CTNNA3: variants seen among roughly 807,000 people sequenced by gnomAD.
The protein encoded by CTNNA3 is catenin alpha-3.
Under a neutral mutation model 95.7 loss-of-function variants are expected in CTNNA3, and 76 were observed. That is an observed-to-expected ratio of 0.79 (90% CI 0.66 to 0.96). The LOEUF is 0.96. Ranked by LOEUF, CTNNA3 falls within the 40% of genes least tolerant of loss-of-function variation. The pLI is 0.00. For missense variants in CTNNA3, 1,191 were observed against 1,089.8 expected, an observed-to-expected ratio of 1.09 and a Z score of -1.31; for synonymous variants, 431 against 374.4, an observed-to-expected ratio of 1.15 and a Z score of -1.74.
intron 14 of CTNNA3, among the ~76,000 whole-genome samples, chr10:66,075,159 T>G (rs987689058): frequency 6.6e-6 from 1 of 151,916 alleles, no homozygotes; most frequent in Admixed American, 6.6e-5. Flanking sequence ...TATCTGCTTA[T>G]TAATTGTACT....
intron 1 of CTNNA3, among the ~76,000 whole-genome samples, chr10:67,726,722 TC>T (rs375231347): frequency 8.4e-5 from 3 of 35,812 alleles, no homozygotes; most frequent in South Asian, 7.6e-4. Context: ...ATATCATATA[TC>T]ATAATATACA....
At chr10:66,244,063 C>T (rs796546569) in intron 13 of CTNNA3, among the ~76,000 whole-genome samples, 4 of 151,804 alleles carry the variant, frequency 2.6e-5, no homozygotes, top group South Asian at 4.2e-4. Flanking sequence ...TTACCACAAG[C>T]TGACTAAAGA....
intron 9 of CTNNA3, among the ~76,000 whole-genome samples, chr10:66,756,098 T>G (rs1262320095): frequency 6.6e-6 from 1 of 152,170 alleles, no homozygotes; most frequent in Non-Finnish European, 1.5e-5. Flanking sequence ...AAACATCATA[T>G]TGCTAGCTAA....
intron 7 of CTNNA3, among the ~76,000 whole-genome samples, chr10:67,074,081 G>A (rs1856608337): frequency 7.6e-6 from 1 of 131,872 alleles, no homozygotes; most frequent in African/African-American, 2.9e-5. Flanking sequence ...CTGTCTCCAG[G>A]CTGGAGTGCA....
intron 11 of CTNNA3, among the ~76,000 whole-genome samples, chr10:66,456,108 C>A (rs1013359016): frequency 1.4e-4 from 21 of 152,090 alleles, no homozygotes; most frequent in Non-Finnish European, 1.8e-4. Flanking sequence ...TAGTAAAATG[C>A]CATTTCTTCC....
chr10:66,249,055 A>G (rs1295245886), intron 13 of CTNNA3, among the ~76,000 whole-genome samples: 2 of 152,196 alleles, frequency 1.3e-5, no homozygotes, highest in African/African-American at 4.8e-5. Context: ...TGGGGAAAAG[A>G]CAGTCTCTTC....
intron 13 of CTNNA3, among the ~76,000 whole-genome samples, chr10:66,241,811 A>G (rs1188215332): frequency 6.6e-6 from 1 of 152,182 alleles, no homozygotes; most frequent in South Asian, 2.1e-4. Context: ...AAATTAAAAT[A>G]TTAAAATAAC....
At chr10:66,644,474 T>C (rs1487379515) in intron 9 of CTNNA3, among the ~76,000 whole-genome samples, 2 of 76,970 alleles carry the variant, frequency 2.6e-5, no homozygotes, top group Non-Finnish European at 4.6e-5. Flanking sequence ...TATATATATG[T>C]TTATATATAT....
intron 9 of CTNNA3, among the ~76,000 whole-genome samples, chr10:66,666,764 T>C (rs1846465584): frequency 6.6e-6 from 1 of 151,506 alleles, no homozygotes; most frequent in African/African-American, 2.4e-5. Context: ...TCAACAGGAG[T>C]GATATCACCC....
intron 15 of CTNNA3, among the ~76,000 whole-genome samples, chr10:66,057,017 C>A (rs1364482822): frequency 6.6e-6 from 1 of 152,130 alleles, no homozygotes; most frequent in Non-Finnish European, 1.5e-5. Context: ...GCCAAATATA[C>A]CCCTCAAACC....
In CTNNA3 at chr10:66,580,075, A is replaced by G. The variant is rs575242947; in HGVS notation, c.1374+41617T>C. ...CTGTTGTTTACATTGTGTAATTTCT[A>G]TTTGTATTATTTTTCAATGGACTGG... On this transcript the variant is annotated intron_variant, in intron 10 of 17. Coordinates refer to ENST00000433211, the MANE Select transcript of CTNNA3 (RefSeq NM_013266.4). Among the ~76,000 whole-genome samples, 3 of 150,996 alleles carry G rather than the reference A, an allele frequency of 2.0e-5. No individual in the cohort carries two copies. In the East Asian group the frequency reaches 6.0e-4, roughly 30 times the overall value.
chr10:66,159,916 T>G (rs925825087), intron 13 of CTNNA3, among the ~76,000 whole-genome samples: 1 of 151,986 alleles, frequency 6.6e-6, no homozygotes, highest in Non-Finnish European at 1.5e-5. Context: ...AGAGCTGTAT[T>G]TTTCCATGAA....
chr10:66,093,377 C>T (rs1339475391), intron 14 of CTNNA3, among the ~76,000 whole-genome samples: 3 of 151,866 alleles, frequency 2.0e-5, no homozygotes, highest in Admixed American at 1.3e-4. Context: ...AGCTTTTCAG[C>T]AGAAGTTTTT....
rs993698138 is a variant in CTNNA3, at chr10:67,750,868, C to T, written c.-2+12566G>A. 10 of 1,610,776 alleles carry T rather than the reference C, an allele frequency of 6.2e-6. No individual in the cohort carries two copies. In the African/African-American group the frequency reaches 9.4e-5, roughly 15 times the overall value. On this transcript the variant is annotated intron_variant, in intron 1 of 17. Transcript: ENST00000684154. ...TCACCCATACCTCACACAGGAGAAACTGATCCAGTACTGCCACTCCAAGGG... is the reference window on the plus strand; with the variant it reads ...TCACCCATACCTCACACAGGAGAAATTGATCCAGTACTGCCACTCCAAGGG...
At chr10:66,618,134 C>G (rs562483326) in intron 10 of CTNNA3, among the ~76,000 whole-genome samples, 30 of 152,070 alleles carry the variant, frequency 2.0e-4, no homozygotes, top group Non-Finnish European at 3.4e-4. Flanking sequence ...TGGCATACTG[C>G]CCAAGGTAAT....
intron 11 of CTNNA3, among the ~76,000 whole-genome samples, chr10:66,388,616 A>G (rs2092911776): frequency 6.6e-6 from 1 of 152,126 alleles, no homozygotes; most frequent in Admixed American, 6.6e-5. Context: ...GAAGAATTAT[A>G]GATGTAAGGT....
chr10:66,633,522 T>C (rs1845224821), intron 9 of CTNNA3, among the ~76,000 whole-genome samples: 1 of 151,804 alleles, frequency 6.6e-6, no homozygotes, highest in Admixed American at 6.6e-5. Context: ...CTACTAAAAA[T>C]ACAAAAAATT....
chr10:67,744,533 C>T (rs1240308819), intron 1 of CTNNA3, among the ~76,000 whole-genome samples: 1 of 151,114 alleles, frequency 6.6e-6, no homozygotes, highest in Non-Finnish European at 1.5e-5. Context: ...CATGTTAGAC[C>T]TAAAACCATA....
chr10:66,073,609 C>T (rs1473667152), intron 14 of CTNNA3, among the ~76,000 whole-genome samples: 2 of 152,056 alleles, frequency 1.3e-5, no homozygotes, highest in Middle Eastern at 3.2e-3. Context: ...TTTCTTTAGC[C>T]TATTCTGTCA....
Sources: gnomAD v4.1 joint callset for allele counts (sites outside exome capture counted in the v4.1 genomes callset) on GRCh38, gnomAD v4.1.1 for gene constraint, MANE v1.5 for transcripts, NCBI Gene and HGNC (gene_info 2026-07-23, HGNC 2026-07-21) for gene names.